Variants in ADGRL2 observed in about 807,000 individuals in gnomAD.
ADGRL2 encodes calcium-independent alpha-latrotoxin receptor 2.
ADGRL2 carries 44 observed loss-of-function variants against 157.4 expected under a neutral mutation model. The ratio of observed to expected loss-of-function variants is 0.28; its 90% CI spans 0.22 to 0.36. The LOEUF is 0.36. ADGRL2 is among the 10% of genes least tolerant of loss of function. The pLI, the probability that ADGRL2 is intolerant of heterozygous loss-of-function variation, is 1.00. For missense variants in ADGRL2, 1,510 were observed against 1,768.9 expected (o/e 0.85, Z 2.63); for synonymous variants, 585 against 624.7 (o/e 0.94, Z 0.95).
intron 2 of ADGRL2, among the ~76,000 whole-genome samples, chr1:81,466,041 C>T (rs2078045066): frequency 6.6e-6 from 1 of 152,174 alleles, no homozygotes; most frequent in African/African-American, 2.4e-5. Context: ...ATACAGTGTA[C>T]CACATGTGTA....
At chr1:81,921,948 A>G (rs1339938249) in intron 3 of ADGRL2, among the ~76,000 whole-genome samples, 1 of 152,170 alleles carries the variant, frequency 6.6e-6, no homozygotes, top group Non-Finnish European at 1.5e-5. Flanking sequence ...GTAAGAATAT[A>G]TTAGTATATT....
chr1:81,778,809 A>G (rs2149373632), intron 2 of ADGRL2, among the ~76,000 whole-genome samples: 1 of 152,308 alleles, frequency 6.6e-6, no homozygotes, highest in South Asian at 2.1e-4. Flanking sequence ...AAGTTTCCCC[A>G]GTAGGGCATA....
intron 2 of ADGRL2, among the ~76,000 whole-genome samples, chr1:81,867,382 C>T (rs2093571442): frequency 6.6e-6 from 1 of 152,156 alleles, no homozygotes; most frequent in Non-Finnish European, 1.5e-5. Context: ...AACTTCTTCC[C>T]TGGAGTATTC....
intron 2 of ADGRL2, among the ~76,000 whole-genome samples, chr1:81,528,509 C>T (rs2079520412): frequency 6.6e-6 from 1 of 151,852 alleles, no homozygotes; most frequent in Non-Finnish European, 1.5e-5. Context: ...TAGCCGGGCG[C>T]TGTGGCAGGC....
chr1:81,899,483 T>A (rs1245407873), intron 2 of ADGRL2, among the ~76,000 whole-genome samples: 1 of 152,138 alleles, frequency 6.6e-6, no homozygotes, highest in African/African-American at 2.4e-5. Flanking sequence ...TATCTTGACA[T>A]TTTATAGCTT....
At chr1:81,814,825 A>G (rs2090225096) in intron 1 of ADGRL2, among the ~76,000 whole-genome samples, 1 of 151,614 alleles carries the variant, frequency 6.6e-6, no homozygotes, top group African/African-American at 2.4e-5. Context: ...TGTTAATTCA[A>G]AGCTGTGCTA....
Position 81,861,220 on chromosome 1 carries a change from C to T in ADGRL2, c.73+24163C>T, listed in dbSNP as rs190715661. ...ATTTTTAGTAAAGACGGGGTTTCAC[C>T]ACATTGGCCAGGCTGGTTTCGAACT... On this transcript the variant is annotated intron_variant, in intron 2 of 23. Transcript: ENST00000686636. Among the ~76,000 whole-genome samples the T allele has an allele frequency of 2.2e-4, 33 of 152,122 alleles. 1 individual carries two copies. The East Asian group carries it at 3.9e-3, about 18-fold the overall frequency.
chr1:81,345,846 T>C (rs908524706), intron 1 of ADGRL2, among the ~76,000 whole-genome samples: 3 of 152,222 alleles, frequency 2.0e-5, no homozygotes, highest in Admixed American at 6.5e-5. Context: ...TCAATTGATA[T>C]TATGAAGTTT....
intron 1 of ADGRL2, among the ~76,000 whole-genome samples, chr1:81,314,274 T>C (rs1260524562): frequency 6.6e-6 from 1 of 152,228 alleles, no homozygotes; most frequent in Non-Finnish European, 1.5e-5. Flanking sequence ...GTGGATTATG[T>C]GTTTTAAGCA....
At chr1:81,705,139 A>G (rs1001604562) in intron 1 of ADGRL2, among the ~76,000 whole-genome samples, 2 of 151,938 alleles carry the variant, frequency 1.3e-5, no homozygotes, top group Non-Finnish European at 2.9e-5. Flanking sequence ...TGCAACCTCC[A>G]CCTCTCGGGT....
intron 1 of ADGRL2, among the ~76,000 whole-genome samples, chr1:81,728,200 A>G (rs12731373): frequency 0.38 from 58,500 of 151,966 alleles, 12,100 homozygotes; most frequent in Admixed American, 0.49. Flanking sequence ...ATTGTGTCCA[A>G]TCATGCTTAC....
chr1:81,878,089 GTT>G (rs1316863645), intron 2 of ADGRL2, among the ~76,000 whole-genome samples: 1 of 152,140 alleles, frequency 6.6e-6, no homozygotes, highest in Non-Finnish European at 1.5e-5. Context: ...TTGGACTACA[GTT>G]TCGTGAGTTT....
rs59842382 is a variant in ADGRL2, at chr1:81,528,646, C to CAAA, written c.-247-52203_-247-52201dup. On this transcript the variant is annotated intron_variant, in intron 2 of 24. Transcript: ENST00000370721. ...TGGGCAAAAAAGTGAGACTCCATCT[C>CAAA]AAAAAAAAAAAAAAAAAAAAAAAAA... Among the ~76,000 whole-genome samples, 287 of 114,570 alleles carry CAAA rather than the reference C, an allele frequency of 2.5e-3. 7 individuals are homozygous for CAAA. The highest frequency in any genetic ancestry group is 4.3e-3 in the African/African-American group (113 of 26,440). 75.2% of individuals were successfully genotyped at this position (114,570 alleles called of 152,430 possible).
intron 3 of ADGRL2, among the ~76,000 whole-genome samples, chr1:81,624,088 C>T (rs12756283): frequency 0.18 from 27,889 of 151,948 alleles, 2,784 homozygotes; most frequent in East Asian, 0.35. Flanking sequence ...CAACCAGAAG[C>T]TAAGAAGAGG....
At chr1:81,982,394 AC>A (rs1468737687) in intron 19 of ADGRL2, among the ~76,000 whole-genome samples, 2 of 151,984 alleles carry the variant, frequency 1.3e-5, no homozygotes, top group Admixed American at 6.6e-5. Flanking sequence ...AATTAATGTT[AC>A]CTTTTGAGTA....
intron 3 of ADGRL2, among the ~76,000 whole-genome samples, chr1:81,621,574 G>C (rs1354009822): frequency 2.0e-5 from 3 of 152,102 alleles, no homozygotes; most frequent in Admixed American, 2.0e-4. Flanking sequence ...TTACACAGCT[G>C]GAAAGAAATG....
At chr1:81,594,839 G>T (rs368226392) in intron 3 of ADGRL2, among the ~76,000 whole-genome samples, 1 of 152,230 alleles carries the variant, frequency 6.6e-6, no homozygotes, top group South Asian at 2.1e-4. Context: ...CAGTCCAAAT[G>T]TGATTGTGCC....
At chr1:81,588,459 G>A (rs1482775068) in intron 3 of ADGRL2, 1 of 152,158 alleles carries the variant, frequency 6.6e-6, no homozygotes, top group Non-Finnish European at 1.5e-5. Flanking sequence ...ATAAGATAAA[G>A]ATGAGTAAAT....
chr1:81,616,674 C>CTT (rs1393879384), intron 3 of ADGRL2, among the ~76,000 whole-genome samples: 89 of 51,840 alleles, frequency 1.7e-3, no homozygotes, highest in Non-Finnish European at 2.8e-3. Context: ...CTTTTCTTTT[C>CTT]TTTTCTTTTT....
Sources: allele counts gnomAD v4.1 joint callset (sites outside exome capture counted in the v4.1 genomes callset), GRCh38; gene constraint gnomAD v4.1.1; transcripts MANE v1.5; gene names NCBI Gene and HGNC (gene_info 2026-07-23, HGNC 2026-07-21).